Variants in ICE1 observed in about 807,000 individuals in gnomAD.
ICE1 encodes little elongation complex subunit 1.
ICE1 carries 64 observed loss-of-function variants against 192.7 expected under a neutral mutation model. The observed-to-expected ratio is 0.33, with a 90% confidence interval of 0.27 to 0.41. The LOEUF (loss-of-function observed/expected upper bound fraction) is 0.41. Ranked by LOEUF, ICE1 falls within the 10% of genes least tolerant of loss-of-function variation. ICE1 has a pLI of 1.00. For missense variants in ICE1, 2,708 were observed against 2,696.0 expected, an observed-to-expected ratio of 1.00 and a Z score of -0.10; for synonymous variants, 1,010 against 984.5, an observed-to-expected ratio of 1.03 and a Z score of -0.49.
In ICE1 at chr5:5,463,506, A is replaced by T. The variant is rs1554015456; in HGVS notation, c.4172A>T (p.Glu1391Val). The change falls in exon 13 of 19, where the codon GAA becomes GTA. Residue 1391 changes from glutamate to valine, a missense_variant. Around this residue, in one of 2 missense-constraint regions of ICE1, gnomAD observed 2,366 missense variants for 2,276.6 expected, o/e 1.04. Transcript: ENST00000296564. ...SIEQSSNCEA[E>V]TTFQCQIATV... Reference sequence around the variant, plus strand: ...GAGCAAAGTTCTAACTGCGAGGCCGAAACAACATTTCAGTGTCAGATAGCA... The same window carrying T: ...GAGCAAAGTTCTAACTGCGAGGCCGTAACAACATTTCAGTGTCAGATAGCA... The T allele has an allele frequency of 3.7e-6, 6 of 1,613,478 alleles. No homozygotes were observed. The highest frequency in any genetic ancestry group is 1.3e-5 in the African/African-American group (1 of 74,944).
chr5:5,464,772 C>G lies in ICE1; in HGVS notation c.5438C>G (p.Ser1813Cys). The change falls in exon 13 of 19, where the codon TCT (serine) becomes TGT (cysteine). Residue 1813 changes from serine to cysteine, a missense_variant. Ser to Cys is a moderately radical substitution (Grantham distance 112, BLOSUM62 -1). Coordinates refer to ENST00000296564, the MANE Select transcript of ICE1 (RefSeq NM_015325.3). This position sits in a 1 kb window ranked among gnomAD's most constrained non-coding sequence, Gnocchi z 4.0. ...GCTTTTGTCAAAACTGGGAGCAGCT[C>G]TGGTGGTGACTGTAACCAAGACAAG... is the stretch of plus-strand genomic sequence containing the variant. ...ATAFVKTGSS[S>C]GGDCNQDKSR... The G allele has an allele frequency of 6.2e-7, 1 of 1,613,728 alleles. No homozygotes were observed. The highest frequency in any genetic ancestry group is 1.6e-4 in the Middle Eastern group (1 of 6,062).
intron 14 of ICE1, among the ~76,000 whole-genome samples, chr5:5,468,375 GTTTAT>G (rs1739052523): frequency 6.6e-6 from 1 of 152,118 alleles, no homozygotes; most frequent in Non-Finnish European, 1.5e-5. Context: ...CTTTAAAAGA[GTTTAT>G]TTTATTGTCT....
At chr5:5,481,218 G>A (rs1250568768) in intron 17 of ICE1, among the ~76,000 whole-genome samples, 1 of 152,070 alleles carries the variant, frequency 6.6e-6, no homozygotes, top group Non-Finnish European at 1.5e-5. Context: ...AAATAAATAT[G>A]TTATCCTAGA....
At chr5:5,444,609 AAG>A (rs1361322331) in intron 7 of ICE1, among the ~76,000 whole-genome samples, 1 of 152,206 alleles carries the variant, frequency 6.6e-6, no homozygotes, top group African/African-American at 2.4e-5. Flanking sequence ...TAATTAATGA[AAG>A]AATTTAATTT....
chr5:5,449,907 T>G (rs1395516088), intron 10 of ICE1, among the ~76,000 whole-genome samples: 7 of 152,186 alleles, frequency 4.6e-5, no homozygotes, highest in Admixed American at 2.0e-4. Flanking sequence ...GTTTATATAC[T>G]CCATGTAAAC....
At chr5:5,423,577 T>C (rs766099264) in intron 1 of ICE1, among the ~76,000 whole-genome samples, 11 of 152,190 alleles carry the variant, frequency 7.2e-5, no homozygotes, top group Non-Finnish European at 1.5e-4. Context: ...AAAAGTAGTT[T>C]ATGAAAGGCA....
At chr5:5,435,953 A>T (rs1398136256) in intron 1 of ICE1, among the ~76,000 whole-genome samples, 2 of 152,070 alleles carry the variant, frequency 1.3e-5, no homozygotes, top group African/African-American at 2.4e-5. Flanking sequence ...GGCATGAGTC[A>T]CCGCACCCGG....
intron 1 of ICE1, among the ~76,000 whole-genome samples, chr5:5,428,643 C>A (rs777499433): frequency 6.6e-6 from 1 of 152,130 alleles, no homozygotes; most frequent in Non-Finnish European, 1.5e-5. Context: ...CAGATATGAA[C>A]GTTTTCCAAC....
At chr5:5,473,897 T>G (rs2111397170) in intron 16 of ICE1, 149 bp downstream of exon 16, 1 of 609,168 alleles carries the variant, frequency 1.6e-6, no homozygotes, top group East Asian at 3.2e-5. Flanking sequence ...TTATAAGAGT[T>G]AATAAAACTA....
chr5:5,441,502 C>G (rs1018682718), intron 5 of ICE1, among the ~76,000 whole-genome samples: 1 of 152,148 alleles, frequency 6.6e-6, no homozygotes, highest in Non-Finnish European at 1.5e-5. Flanking sequence ...TTTATGTGTT[C>G]TGCATTAATT....
intron 10 of ICE1, among the ~76,000 whole-genome samples, chr5:5,450,904 T>G (rs1006983249): frequency 3.3e-5 from 5 of 152,136 alleles, no homozygotes; most frequent in African/African-American, 1.2e-4. Context: ...TTCACAATGT[T>G]TTTTAGAAAG....
Position 5,461,508 on chromosome 5 carries a change from A to T in ICE1, c.2174A>T (p.Tyr725Phe). ...GATCAGAAGAGCAGTGGGATAGAAT[A>T]TACAAAAGTAGTAAAAGGCTTGACC... Reference protein sequence around the residue: ...FNDQKSSGIEYTKVVKGLTKI... With the variant: ...FNDQKSSGIEFTKVVKGLTKI... The change falls in exon 13 of 19, where the codon TAT becomes TTT. Residue 725 changes from tyrosine (Y) to phenylalanine (F), a missense_variant. Tyr to Phe is a conservative substitution (Grantham distance 22, BLOSUM62 3). This residue lies in a region of ICE1 where 2,366 missense variants were observed against 2,276.6 expected (regional missense o/e 1.04). Transcript: ENST00000296564. The T allele has an allele frequency of 6.2e-7, 1 of 1,613,730 alleles. No homozygotes were observed. The highest frequency in any genetic ancestry group is 8.5e-7 in the Non-Finnish European group (1 of 1,179,752).
At position 5,464,891 on chromosome 5, in the gene ICE1, G is replaced by A. The variant is rs1302839657; in HGVS notation, c.5557G>A (p.Gly1853Arg). 8 of 1,613,330 alleles carry A rather than the reference G, an allele frequency of 5.0e-6. No homozygotes were observed. In the East Asian group the frequency reaches 1.8e-4, roughly 36 times the overall value. ...RSAKRLRLDT[G>R]SPEPETRGVT... is the part of the protein sequence containing the mutation. Reference sequence around the variant, plus strand: ...TGCTAAAAGACTGCGCCTGGACACTGGGTCCCCAGAACCAGAAACCAGGGG... The same window carrying A: ...TGCTAAAAGACTGCGCCTGGACACTAGGTCCCCAGAACCAGAAACCAGGGG... The change falls in exon 13 of 19, where the codon GGG becomes AGG. Residue 1853 changes from glycine to arginine, a missense_variant. Physicochemically the swap from Gly to Arg is moderately radical, Grantham distance 125. Coordinates refer to ENST00000296564, the MANE Select transcript of ICE1 (RefSeq NM_015325.3). This position sits in a 1 kb window ranked among gnomAD's most constrained non-coding sequence, Gnocchi z 4.0.
At chr5:5,436,205 C>T (rs1430502272) in intron 1 of ICE1, among the ~76,000 whole-genome samples, 3 of 152,042 alleles carry the variant, frequency 2.0e-5, no homozygotes, top group Non-Finnish European at 4.4e-5. Context: ...CAACTAACTA[C>T]CTTGCTGTTA....
intron 1 of ICE1, among the ~76,000 whole-genome samples, chr5:5,424,133 A>G (rs1465176602): frequency 6.6e-6 from 1 of 152,288 alleles, no homozygotes; most frequent in African/African-American, 2.4e-5. Flanking sequence ...AGAACATGGT[A>G]TGGTTGGCAT....
chr5:5,463,113 C>A lies in ICE1; in HGVS notation c.3779C>A (p.Ser1260Tyr). The A allele has an allele frequency of 6.2e-7, 1 of 1,613,058 alleles. No individual in the cohort carries two copies. Among genetic ancestry groups the A allele is most frequent in the Non-Finnish European group, 8.5e-7 (1 of 1,179,502 alleles). ...QLTQCSLETL[S>Y]EVLTKIRQEL... The stretch of plus-strand genomic sequence containing the variant: ...ACTCAGTGTTCTTTGGAAACTCTGT[C>A]TGAGGTTCTGACCAAGATTAGGCAA... The change falls in exon 13 of 19, where the codon TCT (serine) becomes TAT (tyrosine). Residue 1260 changes from serine (S) to tyrosine (Y), a missense_variant. Ser to Tyr is a moderately radical substitution (Grantham distance 144, BLOSUM62 -2). Around this residue, in one of 2 missense-constraint regions of ICE1, gnomAD observed 2,366 missense variants for 2,276.6 expected, o/e 1.04. Coordinates refer to ENST00000296564, the MANE Select transcript of ICE1 (RefSeq NM_015325.3).
chr5:5,447,950 G>A (rs1040118995), intron 10 of ICE1, 53 bp downstream of exon 10: 26 of 1,380,098 alleles, frequency 1.9e-5, no homozygotes, highest in Non-Finnish European at 2.6e-5. Context: ...TTAGTGGGTT[G>A]TGAGACTGTG....
intron 15 of ICE1, 76 bp downstream of exon 15, chr5:5,469,064 T>C: frequency 2.9e-6 from 3 of 1,037,894 alleles, no homozygotes; most frequent in Non-Finnish European, 2.6e-6. Flanking sequence ...GTTGTGTATT[T>C]AGTTTTATAT....
intron 10 of ICE1, among the ~76,000 whole-genome samples, chr5:5,451,713 C>T (rs1384126421): frequency 7.2e-5 from 11 of 151,972 alleles, no homozygotes; most frequent in Non-Finnish European, 5.9e-5. Context: ...ATAATAAATC[C>T]GGATAATTTA....
Sources: allele counts gnomAD v4.1 joint callset (sites outside exome capture counted in the v4.1 genomes callset), GRCh38; gene constraint gnomAD v4.1.1; regional missense constraint gnomAD v4.1.1; non-coding constraint Gnocchi (gnomAD v3.1); transcripts MANE v1.5; gene names NCBI Gene and HGNC (gene_info 2026-07-23, HGNC 2026-07-21).